Variants in ABCA12 observed in about 807,000 individuals in gnomAD.
ABCA12 encodes the protein glucosylceramide transporter ABCA12.
In ABCA12, 156 loss-of-function variants were observed where a neutral mutation model predicts 293.5. The ratio of observed to expected loss-of-function variants is 0.53; its 90% CI spans 0.47 to 0.61. The LOEUF (loss-of-function observed/expected upper bound fraction) is 0.61, where lower values mean the gene tolerates loss of function less well. Ranked by LOEUF, ABCA12 falls within the 20% of genes least tolerant of loss-of-function variation. The probability of loss-of-function intolerance (pLI) is 0.00; values close to 1 mark genes in which losing one functional copy is unlikely to be tolerated. For synonymous variants in ABCA12, 1,063 were observed against 1,108.0 expected, an observed-to-expected ratio of 0.96 and a Z score of 0.81; for missense variants, 2,797 against 3,090.2, an observed-to-expected ratio of 0.91 and a Z score of 2.25.
intron 27 of ABCA12, 66 bp downstream of exon 27, chr2:214,987,581 T>C: frequency 6.4e-7 from 1 of 1,563,678 alleles, no homozygotes; most frequent in Admixed American, 1.9e-5. Context: ...TAATTGAAAC[T>C]ACTAGTCATG....
In ABCA12 at chr2:214,975,883, G is replaced by A; in HGVS notation, c.5283C>T (p.Ala1761=). The change falls in exon 34 of 53, where the codon GCC becomes GCT. Residue 1761 remains alanine, a synonymous_variant. Transcript: ENST00000272895. The part of the protein sequence containing the change: ...VILPIVFVTT[A]MGLGTLRNSS... ...AATTTCTCAGTGTGCCAAGGCCCAT[G>A]GCAGTGGTAACAAAGACGATGGGGA... is the stretch of plus-strand genomic sequence containing the variant. 4 of 1,614,118 alleles carry A rather than the reference G, an allele frequency of 2.5e-6. No individual in the cohort carries two copies. Among genetic ancestry groups the A allele is most frequent in the Non-Finnish European group, 3.4e-6 (4 of 1,179,984 alleles).
At chr2:215,038,298 G>A (rs925849388) in intron 7 of ABCA12, among the ~76,000 whole-genome samples, 3 of 152,068 alleles carry the variant, frequency 2.0e-5, no homozygotes, top group Admixed American at 6.6e-5. Flanking sequence ...GAAAACTAAA[G>A]TTGAAAAAAG....
At position 215,108,065 on chromosome 2, in the gene ABCA12, C is replaced by T. The variant is rs16853366; in HGVS notation, c.163+3532G>A. Among the ~76,000 whole-genome samples the T allele has an allele frequency of 1.1e-3, 173 of 152,334 alleles. 2 individuals are homozygous for T. In the East Asian group the frequency reaches 0.028, roughly 25 times the overall value. On this transcript the variant is annotated intron_variant, in intron 2 of 52. Transcript: ENST00000272895. ...CACACCCATGATCTAATGATGAAGA[C>T]TGAGGGACCCACCATGGCTGAGTTT...
Position 214,955,324 on chromosome 2 carries a change from G to A in ABCA12, c.6271C>T (p.Leu2091Phe). 3.1e-6 allele frequency: 5 copies of A among 1,614,126 alleles called. No individual in the cohort carries two copies. Among genetic ancestry groups the A allele is most frequent in the Non-Finnish European group, 4.2e-6 (5 of 1,179,990 alleles). Residue 2091 changes from leucine to phenylalanine, a missense_variant, in exon 43 of 53, where the codon CTC (leucine) becomes TTC (phenylalanine). Around this residue, in one of 3 missense-constraint regions of ABCA12, gnomAD observed 2,130 missense variants for 2,427.0 expected, o/e 0.88. Transcript: ENST00000272895. The stretch of plus-strand genomic sequence containing the variant: ...AAGGCCATTCCTGTTTCATGGAAGA[G>A]CCCAGCCAGCAAGTACATCCAGGAA... The part of the protein sequence containing the change: ...TFSWMYLLAG[L>F]FHETGMAFIT...
chr2:215,062,163 T>A (rs7586353), intron 3 of ABCA12, among the ~76,000 whole-genome samples: 61,899 of 151,838 alleles, frequency 0.41, 13,028 homozygotes, highest in South Asian at 0.61. Context: ...TCTTCATTGT[T>A]CTATCTCCTA....
chr2:215,133,471 ACT>A (rs1000391638), intron 1 of ABCA12, among the ~76,000 whole-genome samples: 7 of 151,734 alleles, frequency 4.6e-5, no homozygotes, highest in Non-Finnish European at 7.4e-5. Context: ...TGGAAGACAA[ACT>A]CTTATATTAT....
chr2:215,063,947 A>T, intron 3 of ABCA12, 119 bp downstream of exon 3: 2 of 1,242,812 alleles, frequency 1.6e-6, no homozygotes, highest in African/African-American at 1.5e-5. Flanking sequence ...AGATCATCAC[A>T]TTTATAGACA....
chr2:215,122,426 C>G (rs1702826622), intron 1 of ABCA12, among the ~76,000 whole-genome samples: 1 of 152,160 alleles, frequency 6.6e-6, no homozygotes, highest in African/African-American at 2.4e-5. Flanking sequence ...AGGGCTTAAT[C>G]CTAAATTGTT....
At chr2:215,012,991 A>G (rs1363709262) in intron 15 of ABCA12, 1 of 152,230 alleles carries the variant, frequency 6.6e-6, no homozygotes, top group East Asian at 1.9e-4. Flanking sequence ...TGCTACAAGA[A>G]GAAACATTGA....
chr2:215,081,809 G>T (rs1035912929), intron 2 of ABCA12, among the ~76,000 whole-genome samples: 2 of 152,052 alleles, frequency 1.3e-5, no homozygotes, highest in Non-Finnish European at 2.9e-5. Flanking sequence ...AAGAGACCTG[G>T]AAGACAAGAT....
rs137872171 is a variant in ABCA12, at chr2:215,023,881, A to G, written c.1287+1792T>C. 9.3e-3 allele frequency among the ~76,000 whole-genome samples: 1,418 copies of G among 152,272 alleles called. 19 individuals carry two copies. Among genetic ancestry groups the G allele is most frequent in the African/African-American group, 0.032 (1,318 of 41,556 alleles). On this transcript the variant is annotated intron_variant, in intron 11 of 52. Coordinates refer to ENST00000272895, the MANE Select transcript of ABCA12 (RefSeq NM_173076.3). ...TAGAGATGTCTCTTTCTAAAATGCA[A>G]ATTTCACCTTCTTCAAATTTACAAC...
At chr2:215,075,105 T>G (rs1302003527) in intron 2 of ABCA12, among the ~76,000 whole-genome samples, 1 of 151,992 alleles carries the variant, frequency 6.6e-6, no homozygotes, top group Non-Finnish European at 1.5e-5. Context: ...GCATGGGAGC[T>G]TCAGTGAAAG....
At chr2:215,098,136 A>G (rs1015474841) in intron 2 of ABCA12, among the ~76,000 whole-genome samples, 3 of 152,174 alleles carry the variant, frequency 2.0e-5, no homozygotes, top group Admixed American at 6.5e-5. Context: ...GAGTTTAGGT[A>G]TGCCATGTGG....
chr2:214,990,596 T>A, intron 24 of ABCA12, 106 bp downstream of exon 24: 1 of 1,204,136 alleles, frequency 8.3e-7, no homozygotes, highest in Non-Finnish European at 1.2e-6. Flanking sequence ...TTTCACTGAA[T>A]TTCAAATTAA....
intron 7 of ABCA12, among the ~76,000 whole-genome samples, chr2:215,040,900 T>G (rs1393023357): frequency 6.6e-6 from 1 of 152,166 alleles, no homozygotes; most frequent in Non-Finnish European, 1.5e-5. Context: ...GGGGTGTGAA[T>G]ATATGTGCAG....
intron 48 of ABCA12, among the ~76,000 whole-genome samples, chr2:214,945,854 G>A (rs1270770948): frequency 1.3e-5 from 2 of 152,136 alleles, no homozygotes; most frequent in Non-Finnish European, 2.9e-5. Context: ...AGAAAGGAAT[G>A]GGTTATGTGG....
At chr2:215,108,972 G>A (rs1702516034) in intron 2 of ABCA12, among the ~76,000 whole-genome samples, 1 of 151,846 alleles carries the variant, frequency 6.6e-6, no homozygotes, top group Non-Finnish European at 1.5e-5. Flanking sequence ...GGAGGCTGAG[G>A]CAGAGAATTG....
At chr2:215,069,367 G>C (rs994653749) in intron 2 of ABCA12, among the ~76,000 whole-genome samples, 1 of 151,974 alleles carries the variant, frequency 6.6e-6, no homozygotes, top group Non-Finnish European at 1.5e-5. Context: ...AATGAGAGAA[G>C]CATATCAAAA....
chr2:215,094,069 ACTC>A (rs1702202174), intron 2 of ABCA12, among the ~76,000 whole-genome samples: 1 of 152,130 alleles, frequency 6.6e-6, no homozygotes, highest in South Asian at 2.1e-4. Context: ...AGCAAACTGA[ACTC>A]ATTGTGTTAA....
Sources: allele counts gnomAD v4.1 joint callset (sites outside exome capture counted in the v4.1 genomes callset), GRCh38; gene constraint gnomAD v4.1.1; regional missense constraint gnomAD v4.1.1; transcripts MANE v1.5; gene names NCBI Gene and HGNC (gene_info 2026-07-23, HGNC 2026-07-21).